SRGAP3: variants seen among roughly 807,000 people sequenced by gnomAD.
SRGAP3 encodes the protein SLIT-ROBO Rho GTPase activating protein 3, also known as SLIT-ROBO Rho GTPase-activating protein 3.
Under a neutral mutation model 121.1 loss-of-function variants are expected in SRGAP3, and 39 were observed. That is an observed-to-expected ratio of 0.32 (90% CI 0.25 to 0.42). SRGAP3 has a LOEUF of 0.42. Ranked by LOEUF, SRGAP3 falls within the 10% of genes least tolerant of loss-of-function variation. SRGAP3 has a pLI of 1.00. For missense variants in SRGAP3, 1,213 were observed against 1,470.6 expected (o/e 0.82, Z 2.86); for synonymous variants, 601 against 570.0 (o/e 1.05, Z -0.77).
At chr3:9,153,955 C>T (rs1430862461) in intron 1 of SRGAP3, among the ~76,000 whole-genome samples, 2 of 152,066 alleles carry the variant, frequency 1.3e-5, no homozygotes, top group African/African-American at 4.8e-5. Context: ...TCCTGACTCA[C>T]GATCCAGCTT....
chr3:9,123,693 A>G (rs1330582856), intron 2 of SRGAP3, among the ~76,000 whole-genome samples: 1 of 148,188 alleles, frequency 6.7e-6, no homozygotes, highest in African/African-American at 2.6e-5. Context: ...TGACAGAGTG[A>G]GACTCTGTCT....
chr3:9,353,990 C>T (rs2030344274), intron 1 of SRGAP3, among the ~76,000 whole-genome samples: 1 of 152,084 alleles, frequency 6.6e-6, no homozygotes, highest in Non-Finnish European at 1.5e-5. Context: ...TCTCACAGTG[C>T]GGGGGATCAA....
At chr3:9,292,981 C>T (rs1263913636) in intron 3 of SRGAP3, 1 of 150,124 alleles carries the variant, frequency 6.7e-6, no homozygotes, top group African/African-American at 2.5e-5. Flanking sequence ...TGTACAGTAC[C>T]TTGCTCAGGG....
rs902354104 is a variant in SRGAP3, at chr3:9,248,913, G to T, written c.39C>A (p.Ile13=). The change falls in exon 1 of 22, where the codon ATC becomes ATA. Residue 13 remains isoleucine (I), a synonymous_variant. Coordinates refer to ENST00000383836, the MANE Select transcript of SRGAP3 (RefSeq NM_014850.4). ...SQTKFKKDKE[I]IAEYEAQIKE... ...TTATTTGGGCTTCATATTCAGCAAT[G>T]ATCTCTTTGTCTTTCTTGAACTTAG... 6.2e-7 allele frequency: 1 copy of T among 1,614,186 alleles called. No individual in the cohort carries two copies. Among genetic ancestry groups the T allele is most frequent in the Non-Finnish European group, 8.5e-7 (1 of 1,180,044 alleles).
intron 1 of SRGAP3, among the ~76,000 whole-genome samples, chr3:9,149,407 C>T (rs1392377644): frequency 6.6e-6 from 1 of 152,020 alleles, no homozygotes; most frequent in African/African-American, 2.4e-5. Context: ...ATTAATAGCC[C>T]CACTTCTTCA....
At chr3:9,084,374 G>A (rs545052569) in intron 3 of SRGAP3, among the ~76,000 whole-genome samples, 1 of 152,188 alleles carries the variant, frequency 6.6e-6, no homozygotes, top group Non-Finnish European at 1.5e-5. Flanking sequence ...GGAAGAGAAA[G>A]ACTTCTGTGG....
chr3:9,078,304 C>A (rs1340786174), intron 4 of SRGAP3, among the ~76,000 whole-genome samples: 1 of 152,116 alleles, frequency 6.6e-6, no homozygotes, highest in Non-Finnish European at 1.5e-5. Flanking sequence ...TGTTTTGACA[C>A]TGTGGAGGAA....
chr3:9,233,458 T>A (rs1394684840), intron 1 of SRGAP3, among the ~76,000 whole-genome samples: 1 of 152,186 alleles, frequency 6.6e-6, no homozygotes, highest in Non-Finnish European at 1.5e-5. Context: ...AAAGCACTCA[T>A]CCCACGATGG....
chr3:9,202,490 T>C lies in SRGAP3; in HGVS notation c.67+46395A>G, dbSNP rs144661162. 5.1e-3 allele frequency among the ~76,000 whole-genome samples: 781 copies of C among 152,278 alleles called. 6 individuals carry two copies. The highest frequency in any genetic ancestry group is 0.018 in the African/African-American group (747 of 41,558). On this transcript the variant is annotated intron_variant, in intron 1 of 21. Transcript: ENST00000383836. ...GGGCAGCTCCTGCACAGGATACCAC[T>C]CTGATGTTCACTAGCCTGCCCTGCT...
chr3:9,019,898 G>A (rs954245468), intron 14 of SRGAP3, among the ~76,000 whole-genome samples: 3 of 152,222 alleles, frequency 2.0e-5, no homozygotes, highest in African/African-American at 4.8e-5. Context: ...TGGAGGACGT[G>A]AGAATGCTGC....
At chr3:9,270,574 A>G (rs1954454624) in intron 3 of SRGAP3, among the ~76,000 whole-genome samples, 1 of 152,192 alleles carries the variant, frequency 6.6e-6, no homozygotes, top group Non-Finnish European at 1.5e-5. Context: ...AACTCATTTA[A>G]AAAAACTCAC....
intron 2 of SRGAP3, among the ~76,000 whole-genome samples, chr3:9,114,357 T>C (rs567050902): frequency 1.8e-4 from 28 of 152,306 alleles, no homozygotes; most frequent in African/African-American, 6.3e-4. Flanking sequence ...CAATAAGTTG[T>C]TGGGAAGATC....
At chr3:9,155,006 T>G (rs575903593) in intron 1 of SRGAP3, among the ~76,000 whole-genome samples, 24 of 124,930 alleles carry the variant, frequency 1.9e-4, no homozygotes, top group Admixed American at 2.2e-4. Flanking sequence ...TTGTTTTTTG[T>G]TTTTTTTTTG....
chr3:9,256,658 TC>T, intron 3 of SRGAP3: 1 of 395,408 alleles, frequency 2.5e-6, no homozygotes, highest in Non-Finnish European at 4.5e-6. Flanking sequence ...AGCCATCCAC[TC>T]CCCATCCCTC....
In SRGAP3 at chr3:9,239,102, G is replaced by C. The variant is rs903971560; in HGVS notation, c.67+9783C>G. On this transcript the variant is annotated intron_variant, in intron 1 of 21. Transcript: ENST00000383836. This position sits in a 1 kb window ranked among gnomAD's most constrained non-coding sequence, Gnocchi z 4.0. The stretch of plus-strand genomic sequence containing the variant: ...CCCAGCAGAATAAAGATGTGAGGCC[G>C]GCCGCAGTGGCTCACACCTATAATC... Among the ~76,000 whole-genome samples, 1 of 152,232 alleles carries C rather than the reference G, an allele frequency of 6.6e-6. No homozygotes were observed. Among genetic ancestry groups the C allele is most frequent in the East Asian group, 1.9e-4 (1 of 5,176 alleles).
intron 1 of SRGAP3, among the ~76,000 whole-genome samples, chr3:9,232,500 GTTT>G (rs1953250674): frequency 1.3e-5 from 2 of 151,908 alleles, no homozygotes; most frequent in African/African-American, 4.8e-5. Flanking sequence ...AGGACATAGG[GTTT>G]TTATTTTTAA....
intron 4 of SRGAP3, among the ~76,000 whole-genome samples, chr3:9,076,014 C>T (rs1321942425): frequency 3.9e-5 from 6 of 152,198 alleles, no homozygotes; most frequent in Non-Finnish European, 8.8e-5. Context: ...TAACCCAGGA[C>T]TCTGGGCTTG....
rs114566521 is a variant in SRGAP3 at position 9,211,028 on chromosome 3, T to C, written c.67+37857A>G. On this transcript the variant is annotated intron_variant, in intron 1 of 21. Transcript: ENST00000383836. ...TAATGACAATGTTCTCTCCAGAAGA[T>C]AGGGTTATCAGAAACTTTCACTTTC... 7.8e-3 allele frequency among the ~76,000 whole-genome samples: 1,194 copies of C among 152,316 alleles called. 11 individuals are homozygous for C. Among genetic ancestry groups the C allele is most frequent in the African/African-American group, 0.027 (1,133 of 41,566 alleles).
At chr3:9,321,670 T>TTTA (rs1955440600) in intron 3 of SRGAP3, among the ~76,000 whole-genome samples, 1 of 151,798 alleles carries the variant, frequency 6.6e-6, no homozygotes, top group Non-Finnish European at 1.5e-5. Context: ...GATCATGTCT[T>TTTA]TTACGGGAAC....
Sources: gnomAD v4.1 joint callset for allele counts (sites outside exome capture counted in the v4.1 genomes callset) on GRCh38, gnomAD v4.1.1 for gene constraint, Gnocchi (gnomAD v3.1) non-coding constraint, MANE v1.5 for transcripts, NCBI Gene and HGNC (gene_info 2026-07-23, HGNC 2026-07-21) for gene names.